Variants in SGCD observed in about 807,000 individuals in gnomAD.
SGCD encodes delta-sarcoglycan.
SGCD carries 18 observed loss-of-function variants against 36.6 expected under a neutral mutation model. That is an observed-to-expected ratio of 0.49 (90% confidence interval 0.34 to 0.73). SGCD has a LOEUF of 0.73. Ranked by LOEUF, SGCD falls within the 30% of genes least tolerant of loss-of-function variation. SGCD has a pLI of 0.01. For missense variants in SGCD, 387 were observed against 346.7 expected (o/e 1.12, Z -0.92); for synonymous variants, 133 against 130.6 (o/e 1.02, Z -0.12).
At chr5:156,644,944 C>A (rs1468229582) in intron 6 of SGCD, among the ~76,000 whole-genome samples, 2 of 142,728 alleles carry the variant, frequency 1.4e-5, no homozygotes, top group Admixed American at 1.4e-4. Flanking sequence ...TTTTTTTTTA[C>A]AAGTTTACTC....
intron 1 of SGCD, among the ~76,000 whole-genome samples, chr5:155,991,798 C>T (rs1289192040): frequency 7.2e-5 from 11 of 152,066 alleles, no homozygotes; most frequent in South Asian, 2.1e-4. Flanking sequence ...CTCAATAACC[C>T]GTAACTATTA....
chr5:155,769,261 G>A, the SGCD span, among the ~76,000 whole-genome samples: 1 of 152,054 alleles, frequency 6.6e-6, no homozygotes, highest in East Asian at 1.9e-4. Flanking sequence ...CAAACTGTGA[G>A]GAGGCTATTG....
chr5:156,576,306 T>G (rs1467554026), intron 4 of SGCD, among the ~76,000 whole-genome samples: 4 of 152,234 alleles, frequency 2.6e-5, no homozygotes, highest in African/African-American at 9.6e-5. Context: ...TGCCACATTT[T>G]CTTCATCCAG....
At chr5:156,153,984 T>A (rs1762889178) in intron 3 of SGCD, among the ~76,000 whole-genome samples, 1 of 151,658 alleles carries the variant, frequency 6.6e-6, no homozygotes, top group African/African-American at 2.4e-5. Flanking sequence ...GGAATCTTTA[T>A]AAAAGATGTA....
At chr5:155,837,520 G>T in the SGCD span, among the ~76,000 whole-genome samples, 1 of 152,094 alleles carries the variant, frequency 6.6e-6, no homozygotes, top group African/African-American at 2.4e-5. Flanking sequence ...ACTATTGCTT[G>T]CCAGGGGCAC....
chr5:155,896,397 C>T (rs1756259425), intron 1 of SGCD, among the ~76,000 whole-genome samples: 1 of 150,772 alleles, frequency 6.6e-6, no homozygotes, highest in Admixed American at 6.6e-5. Flanking sequence ...CCAGAGTGTT[C>T]CCTACCTGAG....
At chr5:156,133,077 T>C (rs920278651) in intron 3 of SGCD, among the ~76,000 whole-genome samples, 6 of 152,204 alleles carry the variant, frequency 3.9e-5, no homozygotes, top group South Asian at 2.1e-4. Flanking sequence ...ACCTTCTCTT[T>C]TGGATCTCAA....
At chr5:155,911,901 G>C (rs559847970) in intron 1 of SGCD, among the ~76,000 whole-genome samples, 109 of 152,128 alleles carry the variant, frequency 7.2e-4, no homozygotes, top group African/African-American at 2.4e-3. Flanking sequence ...AGCCTTTTCT[G>C]CTGCCACCTG....
chr5:155,728,988 G>A, the SGCD span, among the ~76,000 whole-genome samples: 1 of 152,236 alleles, frequency 6.6e-6, no homozygotes, highest in Non-Finnish European at 1.5e-5. Context: ...TTTATACCCA[G>A]GGGTGAGTAG....
intron 1 of SGCD, among the ~76,000 whole-genome samples, chr5:155,975,393 T>TTAAA (rs984917345): frequency 2.0e-5 from 3 of 152,020 alleles, no homozygotes; most frequent in Admixed American, 1.3e-4. Flanking sequence ...GGCTACTGGG[T>TTAAA]TAAACATCCA....
At chr5:156,265,721 A>T (rs374742752) in intron 3 of SGCD, among the ~76,000 whole-genome samples, 1 of 151,902 alleles carries the variant, frequency 6.6e-6, no homozygotes, top group African/African-American at 2.4e-5. Context: ...TGATCTTTCC[A>T]TGTGGGCCCC....
chr5:156,688,452 C>G (rs925984526), intron 7 of SGCD, among the ~76,000 whole-genome samples: 3 of 152,136 alleles, frequency 2.0e-5, no homozygotes, highest in Admixed American at 6.6e-5. Flanking sequence ...ACTTAAGGGT[C>G]TTTGATAGTA....
intron 1 of SGCD, among the ~76,000 whole-genome samples, chr5:155,897,960 A>C (rs1756304362): frequency 6.6e-6 from 1 of 152,230 alleles, no homozygotes; most frequent in African/African-American, 2.4e-5. Flanking sequence ...TAGCGTCTAG[A>C]CATAACATAA....
At chr5:156,325,663 G>T (rs748487891), upstream of SGCD, among the ~76,000 whole-genome samples, 2 of 152,196 alleles carry the variant, frequency 1.3e-5, no homozygotes, top group Non-Finnish European at 2.9e-5. Context: ...TCTAGCTTCA[G>T]CTCTGGTATT....
chr5:155,781,334 G>A, the SGCD span, among the ~76,000 whole-genome samples: 1 of 152,116 alleles, frequency 6.6e-6, no homozygotes, highest in Admixed American at 6.6e-5. Flanking sequence ...TTGCACGGAA[G>A]GACACAGGGA....
intron 6 of SGCD, among the ~76,000 whole-genome samples, chr5:156,622,673 A>C (rs1762300309): frequency 1.3e-5 from 2 of 152,150 alleles, no homozygotes; most frequent in Non-Finnish European, 2.9e-5. Flanking sequence ...GAAGAGTAGG[A>C]CAATCATGTA....
intron 8 of SGCD, 155 bp downstream of exon 8, chr5:156,757,859 T>C: frequency 7.6e-7 from 1 of 1,321,548 alleles, no homozygotes; most frequent in Non-Finnish European, 9.7e-7. Flanking sequence ...GCAGCATGAT[T>C]ATAAGCCAAA....
chr5:156,202,715 A>G (rs1311276103), intron 3 of SGCD, among the ~76,000 whole-genome samples: 1 of 150,224 alleles, frequency 6.7e-6, no homozygotes, highest in Non-Finnish European at 1.5e-5. Flanking sequence ...GAGAGTACTC[A>G]GTGTGTTCAT....
chr5:156,118,757 G>T (rs771247861), intron 2 of SGCD, among the ~76,000 whole-genome samples: 17 of 152,086 alleles, frequency 1.1e-4, no homozygotes, highest in Non-Finnish European at 1.2e-4. Context: ...TAATGCACTG[G>T]CAAGAGATTA....
Sources: allele counts gnomAD v4.1 joint callset (sites outside exome capture counted in the v4.1 genomes callset), GRCh38; gene constraint gnomAD v4.1.1; transcripts MANE v1.5; gene names NCBI Gene and HGNC (gene_info 2026-07-23, HGNC 2026-07-21).